The following FNDC3B variants were observed in gnomAD, a reference collection of about 807,000 sequenced individuals.
FNDC3B encodes fibronectin type III domain containing 3B, also known as fibronectin type III domain-containing protein 3B.
FNDC3B carries 12 observed loss-of-function variants against 151.5 expected under a neutral mutation model. The observed-to-expected ratio is 0.08, with a 90% CI of 0.05 to 0.13. The LOEUF (loss-of-function observed/expected upper bound fraction) is 0.13. Among genes scored for constraint, FNDC3B ranks in the 10% least tolerant of loss-of-function variants. The pLI, the probability that FNDC3B is intolerant of heterozygous loss-of-function variation, is 1.00. For missense variants in FNDC3B, 1,214 were observed against 1,505.3 expected (o/e 0.81, Z 3.20); for synonymous variants, 528 against 549.0 (o/e 0.96, Z 0.54).
chr3:172,113,511 T>C (rs1483591206), intron 2 of FNDC3B, among the ~76,000 whole-genome samples: 4 of 152,218 alleles, frequency 2.6e-5, no homozygotes, highest in African/African-American at 9.6e-5. Context: ...TATTTTCTCC[T>C]GCATTGTACT....
intron 23 of FNDC3B, among the ~76,000 whole-genome samples, chr3:172,368,529 C>G (rs997895440): frequency 1.3e-5 from 2 of 152,170 alleles, no homozygotes; most frequent in African/African-American, 4.8e-5. Context: ...CATATGACAT[C>G]CACCAGCAGG....
At chr3:172,380,436 A>G (rs1735378567) in intron 24 of FNDC3B, among the ~76,000 whole-genome samples, 1 of 152,140 alleles carries the variant, frequency 6.6e-6, no homozygotes, top group African/African-American at 2.4e-5. Flanking sequence ...CTGTTCTCAC[A>G]TGTCACCTGC....
chr3:172,365,547 C>T lies in FNDC3B; in HGVS notation c.3008+2702C>T, dbSNP rs575689086. Among the ~76,000 whole-genome samples the T allele has an allele frequency of 2.0e-5, 3 of 152,318 alleles. No individual in the cohort carries two copies. The East Asian group carries it at 5.8e-4, about 29-fold the overall frequency. On this transcript the variant is annotated intron_variant, in intron 23 of 25. Transcript: ENST00000415807. ...TCTTGTGCGAACCCTTGGCTCAAGA[C>T]AACCCAACCTAAAATTCATCTAGAT...
At chr3:172,356,961 C>T (rs111801836) in intron 22 of FNDC3B, among the ~76,000 whole-genome samples, 402 of 152,150 alleles carry the variant, frequency 2.6e-3, no homozygotes, top group African/African-American at 9.6e-3. Context: ...GTCTTCCCAG[C>T]TAAGGATGGT....
At chr3:172,233,956 A>AT (rs2108751367) in intron 4 of FNDC3B, among the ~76,000 whole-genome samples, 1 of 152,254 alleles carries the variant, frequency 6.6e-6, no homozygotes, top group South Asian at 2.1e-4. Flanking sequence ...AAGCAATTTT[A>AT]TTTTTTATCT....
chr3:172,347,800 G>C (rs1054498284), intron 21 of FNDC3B, among the ~76,000 whole-genome samples: 1 of 152,186 alleles, frequency 6.6e-6, no homozygotes, highest in African/African-American at 2.4e-5. Flanking sequence ...ATCTGGACTA[G>C]TCTGCATTAG....
At chr3:172,126,774 T>A (rs554391903) in intron 2 of FNDC3B, among the ~76,000 whole-genome samples, 1 of 152,386 alleles carries the variant, frequency 6.6e-6, no homozygotes, top group African/African-American at 2.4e-5. Context: ...CCTGGACTTC[T>A]GAGCCCTTAA....
At chr3:172,052,323 C>T (rs1716705993) in intron 1 of FNDC3B, among the ~76,000 whole-genome samples, 1 of 151,984 alleles carries the variant, frequency 6.6e-6, no homozygotes, top group African/African-American at 2.4e-5. Context: ...AGCGATCCGC[C>T]CACCTTGGCG....
intron 3 of FNDC3B, among the ~76,000 whole-genome samples, chr3:172,159,991 G>T (rs1266708040): frequency 6.6e-6 from 1 of 152,208 alleles, no homozygotes; most frequent in Non-Finnish European, 1.5e-5. Context: ...TGGCACATCT[G>T]CAGATTGTCC....
chr3:172,204,739 G>C (rs1725334836), intron 3 of FNDC3B, among the ~76,000 whole-genome samples: 1 of 152,174 alleles, frequency 6.6e-6, no homozygotes, highest in South Asian at 2.1e-4. Context: ...AGTACCTTCT[G>C]GCAAAGTCTA....
intron 1 of FNDC3B, among the ~76,000 whole-genome samples, chr3:172,106,748 C>T (rs567167954): frequency 1.3e-4 from 20 of 152,164 alleles, no homozygotes; most frequent in African/African-American, 2.7e-4. Context: ...TTCTCTTCTG[C>T]GAATCGTTGT....
chr3:172,080,034 G>A (rs918820444), intron 1 of FNDC3B, among the ~76,000 whole-genome samples: 2 of 152,090 alleles, frequency 1.3e-5, no homozygotes, highest in African/African-American at 2.4e-5. Context: ...GAAAAATAAG[G>A]TTTGTCTTAC....
chr3:172,393,920 A>G (rs1736141827), intron 25 of FNDC3B, among the ~76,000 whole-genome samples: 1 of 151,764 alleles, frequency 6.6e-6, no homozygotes, highest in African/African-American at 2.4e-5. Flanking sequence ...CATCCTGGCT[A>G]ATAGGGTAAA....
intron 3 of FNDC3B, among the ~76,000 whole-genome samples, chr3:172,162,914 A>C (rs866095004): frequency 2.0e-5 from 3 of 152,194 alleles, no homozygotes; most frequent in African/African-American, 7.2e-5. Context: ...TAGAAGCTCA[A>C]ATCTAATCTT....
rs1288500591 is a variant in FNDC3B at position 172,287,436 on chromosome 3, C to T, written c.849+1452C>T. Among the ~76,000 whole-genome samples, 3 of 152,128 alleles carry T rather than the reference C, an allele frequency of 2.0e-5. No individual in the cohort carries two copies. The South Asian group carries it at 6.2e-4, about 32-fold the overall frequency. On this transcript the variant is annotated intron_variant, in intron 7 of 25. Coordinates refer to ENST00000415807, the MANE Select transcript of FNDC3B (RefSeq NM_022763.4). ...GGAGATCACATGCATAGCAATGATA[C>T]TTCATGTTGTAGGATTGGATGATAG...
intron 6 of FNDC3B, among the ~76,000 whole-genome samples, chr3:172,271,333 G>C (rs1279357157): frequency 6.6e-6 from 1 of 152,062 alleles, no homozygotes; most frequent in East Asian, 1.9e-4. Flanking sequence ...TATAGAAACT[G>C]TTTCAACCTT....
chr3:172,131,581 T>C (rs1721104058), intron 2 of FNDC3B, among the ~76,000 whole-genome samples: 1 of 152,172 alleles, frequency 6.6e-6, no homozygotes, highest in South Asian at 2.1e-4. Flanking sequence ...TAATTCAAGA[T>C]AATGAGAAGC....
chr3:172,381,598 C>A (rs1471349370), intron 25 of FNDC3B, among the ~76,000 whole-genome samples: 2 of 151,852 alleles, frequency 1.3e-5, no homozygotes, highest in Non-Finnish European at 2.9e-5. Context: ...TTAGGTATTT[C>A]TCCTAATGCT....
chr3:172,072,061 C>T (rs1483653536), intron 1 of FNDC3B, among the ~76,000 whole-genome samples: 8 of 150,350 alleles, frequency 5.3e-5, no homozygotes, highest in Middle Eastern at 6.3e-3. Flanking sequence ...GAAACTCATC[C>T]TTCATTTTCT....
Sources: allele counts gnomAD v4.1 joint callset (sites outside exome capture counted in the v4.1 genomes callset), GRCh38; gene constraint gnomAD v4.1.1; transcripts MANE v1.5; gene names NCBI Gene and HGNC (gene_info 2026-07-23, HGNC 2026-07-21).